The following SSBP3 variants were observed in gnomAD, a reference collection of about 807,000 sequenced individuals.
SSBP3 encodes the protein single-stranded DNA-binding protein 3.
In SSBP3, 5 loss-of-function variants were observed where a neutral mutation model predicts 69.6. The observed-to-expected ratio is 0.07, with a 90% CI of 0.04 to 0.15. SSBP3 has a LOEUF of 0.15. Among genes scored for constraint, SSBP3 ranks in the 10% least tolerant of loss-of-function variants. The probability of loss-of-function intolerance (pLI) is 1.00; values close to 1 mark genes in which losing one functional copy is unlikely to be tolerated. For synonymous variants in SSBP3, 196 were observed against 193.4 expected (o/e 1.01, Z -0.11); for missense variants, 312 against 534.0 (o/e 0.58, Z 4.10).
chr1:54,311,455 C>A (rs1173701669), intron 4 of SSBP3, among the ~76,000 whole-genome samples: 2 of 152,206 alleles, frequency 1.3e-5, no homozygotes, highest in African/African-American at 4.8e-5. Context: ...GCCTGACTTG[C>A]AGGACCTGTC....
chr1:54,293,318 C>T (rs956905022), intron 4 of SSBP3, among the ~76,000 whole-genome samples: 3 of 151,962 alleles, frequency 2.0e-5, no homozygotes, highest in African/African-American at 7.3e-5. Flanking sequence ...CGGAGGCACG[C>T]GGGCTGGTCA....
Position 54,320,568 on chromosome 1 carries a change from T to C in SSBP3, c.277-39041A>G, listed in dbSNP as rs994067716. Among the ~76,000 whole-genome samples, 9 of 152,170 alleles carry C rather than the reference T, an allele frequency of 5.9e-5. No homozygotes were observed. In the South Asian group the frequency reaches 1.2e-3, roughly 21 times the overall value. ...CTCCTGACCTCGTGATCCGCCCACCTCAGCCTCCCAAAGTGCTGGGATTAC... is the reference window on the plus strand; with the variant it reads ...CTCCTGACCTCGTGATCCGCCCACCCCAGCCTCCCAAAGTGCTGGGATTAC... On this transcript the variant is annotated intron_variant, in intron 4 of 17. Transcript: ENST00000610401.
intron 4 of SSBP3, among the ~76,000 whole-genome samples, chr1:54,387,167 G>T (rs891455554): frequency 6.6e-6 from 1 of 152,144 alleles, no homozygotes; most frequent in Non-Finnish European, 1.5e-5. Context: ...GCGCCCACTG[G>T]GCTTCCTTCG....
chr1:54,379,156 A>G (rs1421177506), intron 4 of SSBP3, among the ~76,000 whole-genome samples: 1 of 152,238 alleles, frequency 6.6e-6, no homozygotes, highest in African/African-American at 2.4e-5. Context: ...AAACCCTCAA[A>G]GTGTCAGCCA....
chr1:54,291,357 G>A (rs1645603542), intron 4 of SSBP3, among the ~76,000 whole-genome samples: 1 of 152,068 alleles, frequency 6.6e-6, no homozygotes, highest in South Asian at 2.1e-4. Flanking sequence ...GGGAAGGGGC[G>A]CATAATTCAA....
chr1:54,406,170 C>A (rs1308516291), exon 1 of SSBP3: 12 of 508,182 alleles, frequency 2.4e-5, no homozygotes, highest in Admixed American at 9.1e-5. Context: ...CCCTCCCCCC[C>A]AGGCGCTGGC....
At chr1:54,300,168 A>G (rs943059059) in intron 4 of SSBP3, among the ~76,000 whole-genome samples, 1 of 152,168 alleles carries the variant, frequency 6.6e-6, no homozygotes, top group Non-Finnish European at 1.5e-5. Flanking sequence ...CAGAGTCTTC[A>G]TTGACTCCAA....
intron 4 of SSBP3, among the ~76,000 whole-genome samples, chr1:54,339,429 T>A (rs1380610293): frequency 6.6e-6 from 1 of 152,186 alleles, no homozygotes; most frequent in East Asian, 1.9e-4. Flanking sequence ...TCTGCAACAT[T>A]TTAGCTATGG....
intron 4 of SSBP3, among the ~76,000 whole-genome samples, chr1:54,310,354 T>G (rs1645978566): frequency 6.6e-6 from 1 of 152,128 alleles, no homozygotes; most frequent in Non-Finnish European, 1.5e-5. Context: ...CCTGGTCACC[T>G]TCCATAGAGA....
chr1:54,334,046 A>T (rs551957623), intron 4 of SSBP3, among the ~76,000 whole-genome samples: 18 of 152,128 alleles, frequency 1.2e-4, no homozygotes, highest in African/African-American at 4.1e-4. Flanking sequence ...ACAGAGCAAG[A>T]CCCTCTCTCA....
At chr1:54,377,231 C>A (rs1358687587) in intron 4 of SSBP3, among the ~76,000 whole-genome samples, 1 of 152,196 alleles carries the variant, frequency 6.6e-6, no homozygotes, top group Non-Finnish European at 1.5e-5. Flanking sequence ...ACTCCAAAAC[C>A]CAAAACTGAA....
intron 5 of SSBP3, among the ~76,000 whole-genome samples, chr1:54,260,314 G>T (rs530711592): frequency 1.3e-5 from 2 of 152,212 alleles, no homozygotes; most frequent in African/African-American, 4.8e-5. Context: ...CTCCTCCCTC[G>T]CGTCCTTCCC....
intron 4 of SSBP3, among the ~76,000 whole-genome samples, chr1:54,299,697 TTCTCCATCTGCCA>T (rs1645766892): frequency 6.6e-6 from 1 of 152,178 alleles, no homozygotes; most frequent in Non-Finnish European, 1.5e-5. Context: ...AGTGTCTGCC[TTCTCCATCTGCCA>T]TCTAGACACG....
At chr1:54,225,953 T>A (rs1047844483) in exon 18 of SSBP3, 5 of 152,198 alleles carry the variant, frequency 3.3e-5, no homozygotes, top group African/African-American at 1.2e-4. Flanking sequence ...TTCTGATCAG[T>A]ATCCCATCTT....
At position 54,400,513 on chromosome 1, in the gene SSBP3, A is replaced by G. The variant is rs766145516; in HGVS notation, c.276+1348T>C. Among the ~76,000 whole-genome samples, 10 of 152,340 alleles carry G rather than the reference A, an allele frequency of 6.6e-5. No homozygotes were observed. In the East Asian group the frequency reaches 7.7e-4, roughly 12 times the overall value. The stretch of plus-strand genomic sequence containing the variant: ...GGGATTTTCCCAGAAGAACCACATC[A>G]TAAGTGAACCGGTGGTGACCTCTCC... On this transcript the variant is annotated intron_variant, in intron 4 of 17. Coordinates refer to ENST00000610401, the Ensembl canonical transcript of SSBP3.
chr1:54,400,524 G>A (rs1423843248), intron 4 of SSBP3, among the ~76,000 whole-genome samples: 2 of 152,152 alleles, frequency 1.3e-5, no homozygotes. Context: ...TAAGTGAACC[G>A]GTGGTGACCT....
intron 4 of SSBP3, among the ~76,000 whole-genome samples, chr1:54,300,116 G>A (rs938136533): frequency 1.3e-5 from 2 of 152,136 alleles, no homozygotes; most frequent in African/African-American, 4.8e-5. Context: ...GTAAGGGAGC[G>A]CCACAGAAGA....
At chr1:54,307,943 T>C (rs574962166) in intron 4 of SSBP3, among the ~76,000 whole-genome samples, 1 of 152,302 alleles carries the variant, frequency 6.6e-6, no homozygotes, top group Admixed American at 6.5e-5. Context: ...CATTCTTTTA[T>C]TCCTTTACTT....
At chr1:54,395,621 G>C (rs1648808863) in intron 4 of SSBP3, among the ~76,000 whole-genome samples, 1 of 152,178 alleles carries the variant, frequency 6.6e-6, no homozygotes, top group Non-Finnish European at 1.5e-5. Flanking sequence ...ATTGACGGAT[G>C]ACTGTACTAT....
Sources: allele counts gnomAD v4.1 joint callset (sites outside exome capture counted in the v4.1 genomes callset), GRCh38; gene constraint gnomAD v4.1.1; transcripts MANE v1.5; gene names NCBI Gene and HGNC (gene_info 2026-07-23, HGNC 2026-07-21).